Variants in PSMG2 observed in about 807,000 individuals in gnomAD.
The protein encoded by PSMG2 is CD40 ligand-activated specific transcript 3.
PSMG2 carries 21 observed loss-of-function variants against 31.5 expected under a neutral mutation model. That is an observed-to-expected ratio of 0.67 (90% confidence interval 0.47 to 0.96). The LOEUF (loss-of-function observed/expected upper bound fraction) is 0.96, where lower values mean the gene tolerates loss of function less well. Ranked by LOEUF, PSMG2 falls within the 40% of genes least tolerant of loss-of-function variation. The pLI, the probability that PSMG2 is intolerant of heterozygous loss-of-function variation, is 0.00. For synonymous variants in PSMG2, 120 were observed against 110.4 expected, an observed-to-expected ratio of 1.09 and a Z score of -0.54; for missense variants, 318 against 321.2, an observed-to-expected ratio of 0.99 and a Z score of 0.08.
intron 1 of PSMG2, among the ~76,000 whole-genome samples, chr18:12,694,253 C>T (rs184651529): frequency 1.4e-4 from 22 of 152,276 alleles, no homozygotes; most frequent in African/African-American, 4.8e-4. Flanking sequence ...CAGGGCAGGA[C>T]ATTGTTTGCC....
intron 1 of PSMG2, among the ~76,000 whole-genome samples, chr18:12,689,818 C>G (rs2039683283): frequency 2.0e-5 from 3 of 152,080 alleles, no homozygotes; most frequent in Admixed American, 2.0e-4. Context: ...GAGACAGAGT[C>G]TCACTCTGTT....
chr18:12,673,507 T>C (rs1375935415), intron 1 of PSMG2: 11 of 1,565,482 alleles, frequency 7.0e-6, no homozygotes, highest in East Asian at 2.4e-5. Flanking sequence ...AGGAGATCTA[T>C]TTAAGAAAAA....
intron 1 of PSMG2, chr18:12,674,549 C>T (rs2039053506): frequency 6.2e-7 from 1 of 1,611,380 alleles, no homozygotes; most frequent in Admixed American, 1.7e-5. Flanking sequence ...AGACATGTGG[C>T]AAATGCACGT....
rs1568025740 is a variant in PSMG2 at position 12,691,171 on chromosome 18, A to G, written c.-36-15379A>G. 5 of 415,306 alleles carry G rather than the reference A, an allele frequency of 1.2e-5. No individual in the cohort carries two copies. In the East Asian group the frequency reaches 1.8e-4, roughly 15 times the overall value. The allele number at this position is 415,306 out of a possible 1,614,324, so 25.7% of individuals were successfully genotyped here. A position where few individuals can be genotyped will look rare whatever the true frequency, so the allele number is the denominator to read the frequency against. On this transcript the variant is annotated intron_variant, in intron 1 of 6. Coordinates refer to the PSMG2 transcript ENST00000585331. ...CACAATAACTGAAATTGAAAGTAAA[A>G]TAAGACATAGATTGATCTTGCCACT...
At chr18:12,706,312 C>T (rs544276227) in intron 1 of PSMG2, among the ~76,000 whole-genome samples, 1 of 152,266 alleles carries the variant, frequency 6.6e-6, no homozygotes, top group Admixed American at 6.5e-5. Context: ...CATGGTGAAA[C>T]TCCGTCTCTA....
chr18:12,665,199 A>T (rs1261374159), intron 1 of PSMG2: 1 of 152,176 alleles, frequency 6.6e-6, no homozygotes, highest in Non-Finnish European at 1.5e-5. Flanking sequence ...TGTTTAATGA[A>T]TTCAGCACAT....
At chr18:12,667,880 A>G (rs1461481450) in intron 1 of PSMG2, among the ~76,000 whole-genome samples, 3 of 148,650 alleles carry the variant, frequency 2.0e-5, no homozygotes, top group African/African-American at 7.4e-5. Context: ...AAATAGAACA[A>G]GAAAGCAGTA....
chr18:12,705,576 AGTGTGT>A (rs548642491), intron 1 of PSMG2, among the ~76,000 whole-genome samples: 44 of 129,676 alleles, frequency 3.4e-4, no homozygotes, highest in African/African-American at 1.0e-3. Flanking sequence ...AGAGAGAGAG[AGTGTGT>A]GTGTGTGTGT....
intron 1 of PSMG2, chr18:12,674,544 T>C (rs1413069444): frequency 6.2e-7 from 1 of 1,612,472 alleles, no homozygotes; most frequent in Non-Finnish European, 8.5e-7. Flanking sequence ...ACCGAAGACA[T>C]GTGGCAAATG....
Position 12,691,614 on chromosome 18 carries a change from A to G in PSMG2, c.-36-14936A>G. 4.9e-6 allele frequency: 3 copies of G among 613,170 alleles called. No individual in the cohort carries two copies. In the South Asian group the frequency reaches 7.4e-5, roughly 15 times the overall value. 38.0% of individuals were successfully genotyped at this position (613,170 alleles called of 1,614,324 possible). A position where few individuals can be genotyped will look rare whatever the true frequency, so the allele number is the denominator to read the frequency against. ...ATCTGAGTCATCATCATCTTCTATA[A>G]GAGCCTCCTGACTTCCCTATTTCTA... is the stretch of plus-strand genomic sequence containing the variant. On this transcript the variant is annotated intron_variant, in intron 1 of 6. Coordinates refer to the PSMG2 transcript ENST00000585331.
At chr18:12,692,300 A>C (rs2039794598) in intron 1 of PSMG2, 1 of 150,980 alleles carries the variant, frequency 6.6e-6, no homozygotes, top group African/African-American at 2.4e-5. Context: ...TGGGCGATAG[A>C]GTGAGACTCT....
intron 1 of PSMG2, among the ~76,000 whole-genome samples, chr18:12,669,012 G>T (rs1053425160): frequency 7.2e-6 from 1 of 138,742 alleles, no homozygotes; most frequent in Non-Finnish European, 1.5e-5. Context: ...TTACAGGCTT[G>T]AGCTACCGCA....
intron 1 of PSMG2, among the ~76,000 whole-genome samples, chr18:12,670,256 C>T (rs979408775): frequency 8.0e-5 from 12 of 150,176 alleles, no homozygotes; most frequent in Non-Finnish European, 1.6e-4. Context: ...CTTGAACCTG[C>T]GAGGTGGAGG....
At chr18:12,683,275 C>T (rs1374672652) in intron 1 of PSMG2, among the ~76,000 whole-genome samples, 1 of 149,656 alleles carries the variant, frequency 6.7e-6, no homozygotes, top group East Asian at 2.0e-4. Context: ...TTGCTTGAGG[C>T]TGGGAGGCGG....
At chr18:12,663,656 C>T (rs1442704352) in intron 1 of PSMG2, among the ~76,000 whole-genome samples, 2 of 152,116 alleles carry the variant, frequency 1.3e-5, no homozygotes, top group Non-Finnish European at 2.9e-5. Flanking sequence ...AAATTTTAAC[C>T]AGAGTTTTGT....
intron 1 of PSMG2, among the ~76,000 whole-genome samples, chr18:12,677,648 G>A (rs2039191625): frequency 6.6e-6 from 1 of 151,914 alleles, no homozygotes; most frequent in Non-Finnish European, 1.5e-5. Flanking sequence ...TAATAGAGAT[G>A]ATGTTTCACC....
At chr18:12,711,464 C>T (rs2040330657) in intron 2 of PSMG2, among the ~76,000 whole-genome samples, 1 of 152,154 alleles carries the variant, frequency 6.6e-6, no homozygotes, top group African/African-American at 2.4e-5. Context: ...GCCTTAGTCT[C>T]TTTTCCCTAA....
intron 1 of PSMG2, chr18:12,674,530 C>T (rs761090714): frequency 3.1e-6 from 5 of 1,605,662 alleles, no homozygotes; most frequent in South Asian, 1.1e-5. Flanking sequence ...GTAAATTACA[C>T]CTTACCGAAG....
chr18:12,690,549 G>A (rs1168933364), intron 1 of PSMG2, among the ~76,000 whole-genome samples: 11 of 151,440 alleles, frequency 7.3e-5, no homozygotes, highest in Non-Finnish European at 1.3e-4. Flanking sequence ...TCCGCCTCCC[G>A]GGTTCACGCC....
Sources: allele counts gnomAD v4.1 joint callset (sites outside exome capture counted in the v4.1 genomes callset), GRCh38; gene constraint gnomAD v4.1.1; transcripts MANE v1.5; gene names NCBI Gene and HGNC (gene_info 2026-07-23, HGNC 2026-07-21).